The following GPR176 variants were observed in gnomAD, a reference collection of about 807,000 sequenced individuals.
The protein encoded by GPR176 is G protein-coupled receptor 176.
GPR176 carries 26 observed loss-of-function variants against 35.4 expected under a neutral mutation model. The ratio of observed to expected loss-of-function variants is 0.74; its 90% CI spans 0.54 to 1.02. The LOEUF (loss-of-function observed/expected upper bound fraction) is 1.02. Among genes scored for constraint, GPR176 ranks in the 50% least tolerant of loss-of-function variants. The pLI is 0.00. For missense variants in GPR176, 597 were observed against 665.3 expected (o/e 0.90, Z 1.13); for synonymous variants, 278 against 271.3 (o/e 1.02, Z -0.24).
At chr15:39,827,751 C>T (rs897941058) in intron 1 of GPR176, among the ~76,000 whole-genome samples, 5 of 152,206 alleles carry the variant, frequency 3.3e-5, no homozygotes, top group Non-Finnish European at 5.9e-5. Context: ...AACACAATCA[C>T]TTTTGCACCA....
At chr15:39,864,462 C>A (rs1289277704) in intron 1 of GPR176, among the ~76,000 whole-genome samples, 3 of 137,282 alleles carry the variant, frequency 2.2e-5, no homozygotes, top group Admixed American at 7.1e-5. Context: ...GAAACTGGAC[C>A]CCTGTTTCTC....
In GPR176 at chr15:39,800,409, T is replaced by G. The variant is rs992042692; in HGVS notation, c.*723A>C. The stretch of plus-strand genomic sequence containing the variant: ...AGTGTTTTCCAGCCAACACTGACCC[T>G]GACTGGAGGGTGCAGGTGTATCTCT... On this transcript the variant is annotated 3_prime_UTR_variant, in exon 3 of 3. Coordinates refer to ENST00000561100, the MANE Select transcript of GPR176 (RefSeq NM_007223.3). 2.0e-5 allele frequency: 3 copies of G among 152,220 alleles called. No individual in the cohort carries two copies. The highest frequency in any genetic ancestry group is 2.9e-5 in the Non-Finnish European group (2 of 68,048). The allele number at this position is 152,220 out of a possible 1,614,324, so 9.4% of individuals were successfully genotyped here.
intron 1 of GPR176, among the ~76,000 whole-genome samples, chr15:39,915,406 C>G (rs1244753961): frequency 1.3e-5 from 2 of 152,128 alleles, no homozygotes; most frequent in Non-Finnish European, 2.9e-5. Flanking sequence ...CTAATTATTT[C>G]CCAAAGGTAC....
intron 1 of GPR176, among the ~76,000 whole-genome samples, chr15:39,809,571 A>G (rs955513475): frequency 6.6e-6 from 1 of 152,208 alleles, no homozygotes; most frequent in Non-Finnish European, 1.5e-5. Flanking sequence ...TTTATTTTAG[A>G]GGTCACATTC....
intron 1 of GPR176, among the ~76,000 whole-genome samples, chr15:39,884,152 A>G (rs141762205): frequency 5.8e-4 from 88 of 152,334 alleles, no homozygotes; most frequent in African/African-American, 2.1e-3. Flanking sequence ...AAGGGGTCAC[A>G]CTAACTTGTT....
At chr15:39,906,152 C>T (rs929173067) in intron 1 of GPR176, among the ~76,000 whole-genome samples, 3 of 152,312 alleles carry the variant, frequency 2.0e-5, no homozygotes, top group African/African-American at 2.4e-5. Context: ...ATTCTATCAG[C>T]GGAAGACCCT....
chr15:39,880,745 CT>C (rs1366147080), intron 1 of GPR176, among the ~76,000 whole-genome samples: 3 of 152,314 alleles, frequency 2.0e-5, no homozygotes, highest in African/African-American at 7.2e-5. Context: ...ACCTTCACCC[CT>C]GGTCAATCAC....
chr15:39,899,946 C>G (rs1044968755), intron 1 of GPR176, among the ~76,000 whole-genome samples: 1 of 152,110 alleles, frequency 6.6e-6, no homozygotes, highest in Non-Finnish European at 1.5e-5. Context: ...TTCCAACCTT[C>G]TCTTCCTGAC....
At chr15:39,912,241 G>T (rs142539023) in intron 1 of GPR176, among the ~76,000 whole-genome samples, 18 of 152,188 alleles carry the variant, frequency 1.2e-4, no homozygotes, top group African/African-American at 4.1e-4. Flanking sequence ...TACCTTCCAG[G>T]CTAGGCAAAA....
intron 1 of GPR176, among the ~76,000 whole-genome samples, chr15:39,910,178 AT>A (rs776610444): frequency 3.9e-5 from 6 of 152,274 alleles, no homozygotes; most frequent in Non-Finnish European, 8.8e-5. Context: ...AATGTGGTAT[AT>A]GTTGTAAACT....
At chr15:39,822,504 T>A (rs1900341160) in intron 1 of GPR176, among the ~76,000 whole-genome samples, 1 of 152,230 alleles carries the variant, frequency 6.6e-6, no homozygotes, top group South Asian at 2.1e-4. Context: ...ATCATGAAAC[T>A]ATAAATTAGT....
chr15:39,883,891 A>C (rs1235583261), intron 1 of GPR176, among the ~76,000 whole-genome samples: 1 of 152,220 alleles, frequency 6.6e-6, no homozygotes, highest in Non-Finnish European at 1.5e-5. Context: ...CAAAATTCCT[A>C]TGATAAATCT....
intron 1 of GPR176, among the ~76,000 whole-genome samples, chr15:39,856,097 ACAG>A (rs2031200494): frequency 6.6e-6 from 1 of 152,216 alleles, no homozygotes; most frequent in African/African-American, 2.4e-5. Flanking sequence ...GCTCAAAACG[ACAG>A]CAGTATGCCA....
At chr15:39,810,377 T>C (rs964900947) in intron 1 of GPR176, among the ~76,000 whole-genome samples, 6 of 152,330 alleles carry the variant, frequency 3.9e-5, no homozygotes, top group East Asian at 3.9e-4. Context: ...CAGTGCTTGA[T>C]TGATAATGAA....
At chr15:39,814,811 C>T (rs1899790688) in intron 1 of GPR176, 1 of 152,164 alleles carries the variant, frequency 6.6e-6, no homozygotes, top group Non-Finnish European at 1.5e-5. Flanking sequence ...AATTTTTATC[C>T]TAGGGAGATG....
At chr15:39,847,402 T>TA (rs1270843935) in intron 1 of GPR176, among the ~76,000 whole-genome samples, 2 of 152,104 alleles carry the variant, frequency 1.3e-5, no homozygotes, top group Admixed American at 1.3e-4. Flanking sequence ...TATAATGTTA[T>TA]ATACAGGTTG....
At chr15:39,908,441 G>A (rs992166907) in intron 1 of GPR176, among the ~76,000 whole-genome samples, 7 of 152,052 alleles carry the variant, frequency 4.6e-5, no homozygotes, top group African/African-American at 1.2e-4. Context: ...GATATGAATC[G>A]TACATCTGAC....
At chr15:39,831,087 G>A (rs931296048) in intron 1 of GPR176, among the ~76,000 whole-genome samples, 7 of 152,134 alleles carry the variant, frequency 4.6e-5, no homozygotes, top group African/African-American at 1.7e-4. Flanking sequence ...TGGAACGGGG[G>A]AACCTTTTGG....
chr15:39,873,423 G>T (rs537213781), intron 1 of GPR176, among the ~76,000 whole-genome samples: 1 of 152,138 alleles, frequency 6.6e-6, no homozygotes, highest in South Asian at 2.1e-4. Context: ...GGAAGAGAGA[G>T]AAATCAAATA....
Sources: gnomAD v4.1 joint callset for allele counts (sites outside exome capture counted in the v4.1 genomes callset) on GRCh38, gnomAD v4.1.1 for gene constraint, MANE v1.5 for transcripts, NCBI Gene and HGNC (gene_info 2026-07-23, HGNC 2026-07-21) for gene names.